RAB4A: variants seen among roughly 807,000 people sequenced by gnomAD.
RAB4A encodes RAB4A, member RAS oncogene family.
In RAB4A, 20 loss-of-function variants were observed where a neutral mutation model predicts 34.5. The observed-to-expected ratio is 0.58, with a 90% CI of 0.41 to 0.84. RAB4A has a LOEUF of 0.84. Among genes scored for constraint, RAB4A ranks in the 40% least tolerant of loss-of-function variants. The probability of loss-of-function intolerance (pLI) is 0.00; values close to 1 mark genes in which losing one functional copy is unlikely to be tolerated. For synonymous variants in RAB4A, 102 were observed against 100.0 expected (o/e 1.02, Z -0.12); for missense variants, 228 against 274.5 (o/e 0.83, Z 1.20).
At chr1:229,289,080 G>T in intron 3 of RAB4A, 1 of 436,400 alleles carries the variant, frequency 2.3e-6, no homozygotes, top group South Asian at 2.7e-5. Context: ...ATTATAATTC[G>T]GAGGCTGACC....
At chr1:229,284,723 G>T (rs1488936690) in intron 1 of RAB4A, among the ~76,000 whole-genome samples, 1 of 151,132 alleles carries the variant, frequency 6.6e-6, no homozygotes, top group Non-Finnish European at 1.5e-5. Context: ...TCTTCTCATG[G>T]TTCAGAGTTA....
chr1:229,298,617 A>G (rs1657303987), intron 5 of RAB4A, among the ~76,000 whole-genome samples: 1 of 152,242 alleles, frequency 6.6e-6, no homozygotes, highest in Admixed American at 6.5e-5. Context: ...TGACACTCAG[A>G]TTGTTTGAAG....
At position 229,282,168 on chromosome 1, in the gene RAB4A, C is replaced by T. The variant is rs148560409; in HGVS notation, c.32-4318C>T. 2.1e-3 allele frequency among the ~76,000 whole-genome samples: 326 copies of T among 152,146 alleles called. 2 individuals carry two copies. Among genetic ancestry groups the T allele is most frequent in the African/African-American group, 7.4e-3 (309 of 41,516 alleles). ...TTTTTTTTAAATCAGAGAATGTCTT[C>T]ATTTACCCTTTATTCCAGAAAAATA... On this transcript the variant is annotated intron_variant, in intron 1 of 7. Transcript: ENST00000366690.
chr1:229,271,120 C>T lies in RAB4A; in HGVS notation c.-220C>T, dbSNP rs1656425189. 8.2e-6 allele frequency: 3 copies of T among 364,962 alleles called. No homozygotes were observed. The highest frequency in any genetic ancestry group is 1.4e-4 in the South Asian group (1 of 6,978). The allele number at this position is 364,962 out of a possible 1,614,324, so 22.6% of individuals were successfully genotyped here. ...TCGCGTAGCCCATCTCCTCTTCCTCCTCGCGGTCGCGGCCGGACGGAGGGT... is the reference window on the plus strand; with the variant it reads ...TCGCGTAGCCCATCTCCTCTTCCTCTTCGCGGTCGCGGCCGGACGGAGGGT... On this transcript the variant is annotated 5_prime_UTR_variant, in exon 1 of 8. Transcript: ENST00000366690.
At chr1:229,302,799 T>A in intron 6 of RAB4A, 63 bp from the exon 7 acceptor site, 4 of 1,140,988 alleles carry the variant, frequency 3.5e-6, no homozygotes, top group Non-Finnish European at 5.1e-6. Flanking sequence ...TTTTTTTTAA[T>A]CTATTTTTGG....
chr1:229,301,676 A>G (rs1657389459), intron 6 of RAB4A, among the ~76,000 whole-genome samples: 1 of 152,146 alleles, frequency 6.6e-6, no homozygotes, highest in Non-Finnish European at 1.5e-5. Flanking sequence ...ATATAAGAGT[A>G]TAAATTAGGA....
chr1:229,271,509 G>C (rs1343794474), intron 1 of RAB4A, 139 bp downstream of exon 1: 39 of 760,506 alleles, frequency 5.1e-5, no homozygotes, highest in Non-Finnish European at 6.4e-5. Context: ...GGAGGTGTCT[G>C]GGCTTGGGAC....
chr1:229,275,063 T>C (rs775145511), intron 1 of RAB4A, among the ~76,000 whole-genome samples: 7 of 152,232 alleles, frequency 4.6e-5, no homozygotes, highest in Non-Finnish European at 8.8e-5. Context: ...TCAGGTTGAA[T>C]TGTGTTCCCC....
rs369266108 is a variant in RAB4A at position 229,303,888 on chromosome 1, T to A, written c.*95T>A. The A allele has an allele frequency of 6.6e-6, 1 of 152,214 alleles. No individual in the cohort carries two copies. Among genetic ancestry groups the A allele is most frequent in the African/African-American group, 2.4e-5 (1 of 41,450 alleles). 9.4% of individuals were successfully genotyped at this position (152,214 alleles called of 1,614,324 possible). A position where few individuals can be genotyped will look rare whatever the true frequency, so the allele number is the denominator to read the frequency against. Reference sequence around the variant, plus strand: ...TTTTTACCACCATCTTTTTCTACTCTGTATGGAAGTAGATCTTTATGGGGA... The same window carrying A: ...TTTTTACCACCATCTTTTTCTACTCAGTATGGAAGTAGATCTTTATGGGGA... On this transcript the variant is annotated 3_prime_UTR_variant, in exon 8 of 8. Coordinates refer to ENST00000366690, the MANE Select transcript of RAB4A (RefSeq NM_004578.4).
At chr1:229,294,503 G>A (rs60735700) in intron 3 of RAB4A, among the ~76,000 whole-genome samples, 29,178 of 152,206 alleles carry the variant, frequency 0.19, 2,816 homozygotes, top group African/African-American at 0.21. Context: ...CTAGGTTGGC[G>A]GTGAAGAAGA....
chr1:229,295,494 G>C (rs1364067583), intron 3 of RAB4A, among the ~76,000 whole-genome samples: 2 of 152,090 alleles, frequency 1.3e-5, no homozygotes, highest in Non-Finnish European at 2.9e-5. Context: ...CAGGGAGTGG[G>C]GTAGATGAGG....
intron 1 of RAB4A, among the ~76,000 whole-genome samples, chr1:229,283,488 C>G (rs1007843864): frequency 2.0e-5 from 3 of 152,230 alleles, no homozygotes; most frequent in Non-Finnish European, 2.9e-5. Context: ...GTTTTCCTCT[C>G]TCTTGCTTGG....
At chr1:229,288,360 C>A (rs1251744758) in intron 2 of RAB4A, among the ~76,000 whole-genome samples, 1 of 152,210 alleles carries the variant, frequency 6.6e-6, no homozygotes, top group Non-Finnish European at 1.5e-5. Flanking sequence ...AGTTCCACAC[C>A]TGTCACTGGG....
chr1:229,292,402 C>A (rs1657113478), intron 3 of RAB4A, among the ~76,000 whole-genome samples: 1 of 152,168 alleles, frequency 6.6e-6, no homozygotes, highest in African/African-American at 2.4e-5. Context: ...TTGAAGAGAA[C>A]TCGTAGTTCC....
At chr1:229,280,478 T>C (rs1311028271) in intron 1 of RAB4A, among the ~76,000 whole-genome samples, 1 of 152,232 alleles carries the variant, frequency 6.6e-6, no homozygotes, top group Non-Finnish European at 1.5e-5. Context: ...TGTTTCCTTC[T>C]TGAATCCTTT....
rs958884415 is a variant in RAB4A at position 229,295,792 on chromosome 1, G to A, written c.228-56G>A. 18 of 1,560,326 alleles carry A rather than the reference G, an allele frequency of 1.2e-5. No homozygotes were observed. In the African/African-American group the frequency reaches 2.4e-4, roughly 21 times the overall value. ...CATGGGTGTTTTTTCATGGGAAAGTGGGATACAGTAAAGGGTCTCAATTGG... is the reference window on the plus strand; with the variant it reads ...CATGGGTGTTTTTTCATGGGAAAGTAGGATACAGTAAAGGGTCTCAATTGG... On this transcript the variant is annotated intron_variant, in intron 3 of 7. Transcript: ENST00000366690.
intron 1 of RAB4A, among the ~76,000 whole-genome samples, chr1:229,285,990 T>C (rs558748505): frequency 2.1e-4 from 32 of 152,362 alleles, no homozygotes; most frequent in African/African-American, 7.7e-4. Flanking sequence ...AAATTACAGA[T>C]GAGGGAAAAG....
At chr1:229,285,702 GT>G (rs1656905962) in intron 1 of RAB4A, among the ~76,000 whole-genome samples, 1 of 152,132 alleles carries the variant, frequency 6.6e-6, no homozygotes, top group Admixed American at 6.5e-5. Context: ...TGGTGTTCTG[GT>G]ACTCCCGAGC....
intron 1 of RAB4A, among the ~76,000 whole-genome samples, chr1:229,284,319 G>C (rs566540112): frequency 2.0e-5 from 3 of 151,512 alleles, no homozygotes; most frequent in Non-Finnish European, 4.4e-5. Context: ...GGCTGGTCTC[G>C]AACTCCTGAC....
Sources: gnomAD v4.1 joint callset for allele counts (sites outside exome capture counted in the v4.1 genomes callset) on GRCh38, gnomAD v4.1.1 for gene constraint, MANE v1.5 for transcripts, NCBI Gene and HGNC (gene_info 2026-07-23, HGNC 2026-07-21) for gene names.